IFTAP: variants seen among roughly 807,000 people sequenced by gnomAD.
IFTAP encodes intraflagellar transport-associated protein.
A neutral mutation model predicts 19.4 loss-of-function variants in IFTAP; 19 were observed. The observed-to-expected ratio is 0.98, with a 90% confidence interval of 0.68 to 1.44. IFTAP has a LOEUF of 1.44. Ranked by LOEUF, IFTAP falls within the 40% of genes most tolerant of loss-of-function variation. The probability of loss-of-function intolerance (pLI) is 0.00; values close to 1 mark genes in which losing one functional copy is unlikely to be tolerated. For synonymous variants in IFTAP, 85 were observed against 83.5 expected, an observed-to-expected ratio of 1.02 and a Z score of -0.10; for missense variants, 240 against 253.6, an observed-to-expected ratio of 0.95 and a Z score of 0.36.
chr11:36,618,599 G>T (rs547433429), intron 2 of IFTAP, among the ~76,000 whole-genome samples: 1 of 152,054 alleles, frequency 6.6e-6, no homozygotes, highest in South Asian at 2.1e-4. Context: ...GAAAAGAAGA[G>T]AATACAGAAT....
At chr11:36,651,435 G>A (rs941343788) in intron 5 of IFTAP, among the ~76,000 whole-genome samples, 5 of 151,962 alleles carry the variant, frequency 3.3e-5, no homozygotes, top group Non-Finnish European at 5.9e-5. Context: ...TAAGTTCTTT[G>A]CAGATTCTAG....
chr11:36,641,540 T>A (rs1853199142), intron 4 of IFTAP, among the ~76,000 whole-genome samples: 1 of 152,254 alleles, frequency 6.6e-6, no homozygotes, highest in Admixed American at 6.5e-5. Flanking sequence ...TAGCCAGTAC[T>A]CATTCAGGAG....
At chr11:36,624,743 T>TG (rs1488620283) in intron 2 of IFTAP, among the ~76,000 whole-genome samples, 4 of 151,980 alleles carry the variant, frequency 2.6e-5, no homozygotes, top group Middle Eastern at 3.2e-3. Context: ...AACAAGGGTG[T>TG]GGGGGGGTGT....
intron 2 of IFTAP, among the ~76,000 whole-genome samples, chr11:36,624,799 G>A (rs915535193): frequency 1.3e-5 from 2 of 152,070 alleles, no homozygotes; most frequent in Non-Finnish European, 2.9e-5. Flanking sequence ...TCATGGCAGA[G>A]CAGAAAGATA....
intron 2 of IFTAP, among the ~76,000 whole-genome samples, chr11:36,625,381 A>G (rs1040881583): frequency 6.6e-5 from 10 of 152,186 alleles, no homozygotes; most frequent in African/African-American, 2.2e-4. Flanking sequence ...TATGCTACAC[A>G]TAGTTTCTGT....
intron 1 of IFTAP, among the ~76,000 whole-genome samples, chr11:36,599,806 T>A (rs559446420): frequency 6.6e-6 from 1 of 152,332 alleles, no homozygotes; most frequent in Admixed American, 6.5e-5. Context: ...CCTATTTATG[T>A]GTTATATAAA....
chr11:36,653,924 G>A lies in IFTAP; in HGVS notation c.499-5095G>A, dbSNP rs144416752. Among the ~76,000 whole-genome samples, 92 of 152,258 alleles carry A rather than the reference G, an allele frequency of 6.0e-4. No homozygotes were observed. In the South Asian group the frequency reaches 0.015, roughly 25 times the overall value. ...TGATTTTCTGGTATACAGTAACAACGTGGTTGGGGTCATTCTGTCTTTTCT... is the reference window on the plus strand; with the variant it reads ...TGATTTTCTGGTATACAGTAACAACATGGTTGGGGTCATTCTGTCTTTTCT... On this transcript the variant is annotated intron_variant, in intron 5 of 5. Coordinates refer to ENST00000334307, the MANE Select transcript of IFTAP (RefSeq NM_138787.4).
At chr11:36,627,833 A>C (rs1204588804) in intron 2 of IFTAP, among the ~76,000 whole-genome samples, 1 of 151,002 alleles carries the variant, frequency 6.6e-6, no homozygotes, top group Admixed American at 6.6e-5. Context: ...ACCATCACAG[A>C]GATTGTTTAA....
At chr11:36,643,584 C>G (rs1163665022) in intron 4 of IFTAP, among the ~76,000 whole-genome samples, 1 of 152,190 alleles carries the variant, frequency 6.6e-6, no homozygotes, top group Non-Finnish European at 1.5e-5. Flanking sequence ...ATCATGCTAC[C>G]TGACTTCAAA....
At chr11:36,610,337 C>A (rs1223065832) in intron 2 of IFTAP, 98 bp downstream of exon 2, 4 of 1,100,476 alleles carry the variant, frequency 3.6e-6, no homozygotes, top group East Asian at 5.2e-5. Context: ...ATTTAGTGAA[C>A]ATTCATTCCA....
chr11:36,601,817 C>G (rs1232051462), intron 1 of IFTAP, among the ~76,000 whole-genome samples: 2 of 150,984 alleles, frequency 1.3e-5, no homozygotes, highest in African/African-American at 5.0e-5. Flanking sequence ...TCATGCTCAG[C>G]TAATGATTTA....
In IFTAP at chr11:36,638,196, G is replaced by A. The variant is rs181777153; in HGVS notation, c.358+2079G>A. ...ATTACAGGTGTGAGCCCCCTCACCCGGCCCGTCAATCTTTTAAATCGCCTT... is the reference window on the plus strand; with the variant it reads ...ATTACAGGTGTGAGCCCCCTCACCCAGCCCGTCAATCTTTTAAATCGCCTT... On this transcript the variant is annotated intron_variant, in intron 4 of 5. Transcript: ENST00000334307. Among the ~76,000 whole-genome samples the A allele has an allele frequency of 3.1e-3, 463 of 151,034 alleles. 3 individuals carry two copies. The highest frequency in any genetic ancestry group is 0.011 in the African/African-American group (443 of 40,846).
chr11:36,628,134 A>G (rs948231164), intron 2 of IFTAP, among the ~76,000 whole-genome samples: 1 of 150,160 alleles, frequency 6.7e-6, no homozygotes. Context: ...GATCCATTCT[A>G]TCCATTTGTC....
At chr11:36,658,563 T>C (rs940451300) in intron 5 of IFTAP, among the ~76,000 whole-genome samples, 1 of 152,212 alleles carries the variant, frequency 6.6e-6, no homozygotes, top group African/African-American at 2.4e-5. Flanking sequence ...ATGTAGGGTA[T>C]TTTTATCTTT....
intron 4 of IFTAP, among the ~76,000 whole-genome samples, chr11:36,645,282 T>C (rs562895639): frequency 2.6e-5 from 4 of 152,266 alleles, no homozygotes; most frequent in Non-Finnish European, 5.9e-5. Flanking sequence ...ACAAATGGCA[T>C]GAATAGCTAC....
At chr11:36,647,132 A>G (rs1430097747) in intron 4 of IFTAP, among the ~76,000 whole-genome samples, 2 of 152,096 alleles carry the variant, frequency 1.3e-5, no homozygotes, top group Admixed American at 6.6e-5. Context: ...GCTTGTTATT[A>G]ATCACTTCCA....
At chr11:36,646,399 G>A (rs1204493218) in intron 4 of IFTAP, among the ~76,000 whole-genome samples, 2 of 152,244 alleles carry the variant, frequency 1.3e-5, no homozygotes, top group South Asian at 4.1e-4. Flanking sequence ...ACACGAGGAC[G>A]CTCAGTGAGG....
chr11:36,636,163 A>T (rs766684426), intron 4 of IFTAP, 46 bp downstream of exon 4: 2 of 1,417,610 alleles, frequency 1.4e-6, no homozygotes, highest in Non-Finnish European at 2.0e-6. Flanking sequence ...TCTTTCTAGA[A>T]ACTACAAATA....
chr11:36,658,144 C>T (rs1035539052), intron 5 of IFTAP, among the ~76,000 whole-genome samples: 3 of 152,228 alleles, frequency 2.0e-5, no homozygotes, highest in Middle Eastern at 3.4e-3. Flanking sequence ...ATTATAGCTT[C>T]GGGACATTTT....
Sources: allele counts gnomAD v4.1 joint callset (sites outside exome capture counted in the v4.1 genomes callset), GRCh38; gene constraint gnomAD v4.1.1; transcripts MANE v1.5; gene names NCBI Gene and HGNC (gene_info 2026-07-23, HGNC 2026-07-21).